The following TESMIN variants were observed in gnomAD, a reference collection of about 807,000 sequenced individuals.
TESMIN encodes CXC domain containing 2.
TESMIN carries 34 observed loss-of-function variants against 47.4 expected under a neutral mutation model. The ratio of observed to expected loss-of-function variants is 0.72; its 90% CI spans 0.55 to 0.96. The LOEUF is 0.96. Among genes scored for constraint, TESMIN ranks in the 40% least tolerant of loss-of-function variants. The probability of loss-of-function intolerance (pLI) is 0.00; values close to 1 mark genes in which losing one functional copy is unlikely to be tolerated. For missense variants in TESMIN, 610 were observed against 637.2 expected, an observed-to-expected ratio of 0.96 and a Z score of 0.46; for synonymous variants, 278 against 258.9, an observed-to-expected ratio of 1.07 and a Z score of -0.71.
Position 68,745,084 on chromosome 11 carries a change from G to T in TESMIN, c.658C>A (p.Gln220Lys). The change falls in exon 4 of 10, where the codon CAA becomes AAA. Residue 220 changes from glutamine (Q) to lysine (K), a missense_variant. Transcript: ENST00000255087. ...CTAGAATTGTCTATACATAGCATTT[G>T]TGTGCCCCCTTTCAATTGGCATATC... ...MVICQLKGGT[Q>K]MLCIDNSRTR... The T allele has an allele frequency of 6.3e-7, 1 of 1,582,410 alleles. No homozygotes were observed. Among genetic ancestry groups the T allele is most frequent in the East Asian group, 2.3e-5 (1 of 43,322 alleles).
At chr11:68,706,830 G>A (rs985059826), downstream of TESMIN, among the ~76,000 whole-genome samples, 10 of 152,172 alleles carry the variant, frequency 6.6e-5, no homozygotes, top group Non-Finnish European at 1.0e-4. Flanking sequence ...TACTCATGTG[G>A]CTGGCAGATC....
In TESMIN at chr11:68,708,036, C is replaced by A; in HGVS notation, c.*272G>T. On this transcript the variant is annotated 3_prime_UTR_variant, in exon 10 of 10. Coordinates refer to ENST00000255087, the MANE Select transcript of TESMIN (RefSeq NM_004923.3). ...TGTGCCCTCCCCTGCCCTGCTCTGCCCTCCGCCGCCCTGCAGACACTCTCC... is the reference window on the plus strand; with the variant it reads ...TGTGCCCTCCCCTGCCCTGCTCTGCACTCCGCCGCCCTGCAGACACTCTCC... 1 of 465,368 alleles carries A rather than the reference C, an allele frequency of 2.1e-6. No individual in the cohort carries two copies. Among genetic ancestry groups the A allele is most frequent in the Non-Finnish European group, 4.0e-6 (1 of 250,930 alleles). 28.8% of individuals were successfully genotyped at this position (465,368 alleles called of 1,614,324 possible). A position where few individuals can be genotyped will look rare whatever the true frequency, so the allele number is the denominator to read the frequency against.
chr11:68,711,962 GCTTT>G (rs1946078417), intron 8 of TESMIN, among the ~76,000 whole-genome samples: 1 of 152,228 alleles, frequency 6.6e-6, no homozygotes, highest in Admixed American at 6.5e-5. Context: ...ATGGTTTTTG[GCTTT>G]CTCTTTCCTT....
At chr11:68,711,337 C>A (rs117045513) in intron 8 of TESMIN, among the ~76,000 whole-genome samples, 1 of 148,264 alleles carries the variant, frequency 6.7e-6, no homozygotes, top group Non-Finnish European at 1.5e-5. Context: ...GTCGAGTGTG[C>A]GTGTGTGTGC....
chr11:68,730,033 C>T (rs553845270), intron 6 of TESMIN, among the ~76,000 whole-genome samples: 1 of 152,314 alleles, frequency 6.6e-6, no homozygotes, highest in African/African-American at 2.4e-5. Flanking sequence ...TCAATAGCCA[C>T]GACATTAAGG....
In TESMIN at chr11:68,708,259, AGAGATTTCTAG is replaced by A; in HGVS notation, c.*38_*48del. 1 of 1,498,438 alleles carries A rather than the reference AGAGATTTCTAG, an allele frequency of 6.7e-7. No homozygotes were observed. Among genetic ancestry groups the A allele is most frequent in the Non-Finnish European group, 9.0e-7 (1 of 1,109,946 alleles). 92.8% of individuals were successfully genotyped at this position (1,498,438 alleles called of 1,614,324 possible). A position where few individuals can be genotyped will look rare whatever the true frequency, so the allele number is the denominator to read the frequency against. On this transcript the variant is annotated 3_prime_UTR_variant, in exon 10 of 10. Coordinates refer to ENST00000255087, the MANE Select transcript of TESMIN (RefSeq NM_004923.3). The stretch of plus-strand genomic sequence containing the variant: ...TTCCCCTAAACATCCTTTCTAAACT[AGAGATTTCTAG>A]ACTAAGACAAAATCAACATGCATTC...
Position 68,710,970 on chromosome 11 carries a change from A to T in TESMIN, c.1238T>A (p.Met413Lys), listed in dbSNP as rs1439938109. 6.2e-7 allele frequency: 1 copy of T among 1,613,756 alleles called. No individual in the cohort carries two copies. Among genetic ancestry groups the T allele is most frequent in the African/African-American group, 1.3e-5 (1 of 74,902 alleles). The change falls in exon 9 of 10, where the codon ATG (methionine) becomes AAG (lysine). Residue 413 changes from methionine (M) to lysine (K), a missense_variant. By Grantham distance (95) the Met-to-Lys change is moderately conservative. Coordinates refer to ENST00000255087, the MANE Select transcript of TESMIN (RefSeq NM_004923.3). The part of the protein sequence containing the change: ...YEESPERKTL[M>K]SMPNYMQTGG... ...AGTCTGCATGTAGTTTGGCATGCTC[A>T]TTAGTGTCTTTCGTTCTGGGCTTTC...
In TESMIN at chr11:68,750,399, T is replaced by G. The variant is rs765999474; in HGVS notation, c.262A>C (p.Ser88Arg). 2.3e-5 allele frequency: 35 copies of G among 1,519,726 alleles called. No homozygotes were observed. Among genetic ancestry groups the G allele is most frequent in the Non-Finnish European group, 3.0e-5 (34 of 1,129,294 alleles). 94.1% of individuals were successfully genotyped at this position (1,519,726 alleles called of 1,614,324 possible). ...TCCCCGAGGAGCTCCCCGCCGTCGC[T>G]GTCGCCCCCCGCGAGCTTCGCCTTG... Reference protein sequence around the residue: ...QVKAKLAGGDSDGGELLGEYP... With the variant: ...QVKAKLAGGDRDGGELLGEYP... The change falls in exon 2 of 10, where the codon AGC becomes CGC. Residue 88 changes from serine to arginine, a missense_variant. Physicochemically the swap from Ser to Arg is moderately radical, Grantham distance 110. Transcript: ENST00000255087.
At position 68,742,722 on chromosome 11, in the gene TESMIN, C is replaced by T. The variant is rs148182592; in HGVS notation, c.752-328G>A. ...GTGCCCTGCATAGCCACAGCAAACT[C>T]ACTAGGAAAAAAAATGTTTGAGATA... On this transcript the variant is annotated intron_variant, in intron 4 of 9. Transcript: ENST00000255087. Among the ~76,000 whole-genome samples the T allele has an allele frequency of 1.6e-4, 24 of 152,172 alleles. No individual in the cohort carries two copies. In the East Asian group the frequency reaches 3.9e-3, roughly 24 times the overall value.
chr11:68,717,684 C>A (rs979719702), intron 6 of TESMIN, among the ~76,000 whole-genome samples: 2 of 152,132 alleles, frequency 1.3e-5, no homozygotes, highest in Admixed American at 1.3e-4. Flanking sequence ...ATGGGCAGCA[C>A]CAGGTTCCTC....
chr11:68,705,136 G>A (rs1281606468), downstream of TESMIN, among the ~76,000 whole-genome samples: 1 of 152,150 alleles, frequency 6.6e-6, no homozygotes, highest in Non-Finnish European at 1.5e-5. Flanking sequence ...CGCACAGCCG[G>A]CCCCATGCAC....
intron 2 of TESMIN, among the ~76,000 whole-genome samples, chr11:68,749,087 G>C (rs1460541978): frequency 6.6e-6 from 1 of 152,196 alleles, no homozygotes; most frequent in Admixed American, 6.5e-5. Context: ...CTACGGGCAG[G>C]AGGCGCTGGA....
rs1465764638 is a variant in TESMIN, at chr11:68,707,821, T to C, written c.*487A>G. On this transcript the variant is annotated 3_prime_UTR_variant, in exon 10 of 10. Coordinates refer to ENST00000255087, the MANE Select transcript of TESMIN (RefSeq NM_004923.3). Reference sequence around the variant, plus strand: ...TCAGTAGTTCTCTAGAGATTTTAAGTGGTATCACAACAGCCCATCCGGAGA... The same window carrying C: ...TCAGTAGTTCTCTAGAGATTTTAAGCGGTATCACAACAGCCCATCCGGAGA... 2.2e-6 allele frequency: 1 copy of C among 456,102 alleles called. No individual in the cohort carries two copies. The highest frequency in any genetic ancestry group is 2.3e-5 in the Admixed American group (1 of 42,580). The allele number at this position is 456,102 out of a possible 1,614,324, so 28.3% of individuals were successfully genotyped here.
chr11:68,730,705 G>C (rs1946316561), intron 6 of TESMIN, among the ~76,000 whole-genome samples: 1 of 150,438 alleles, frequency 6.6e-6, no homozygotes, highest in Admixed American at 6.7e-5. Context: ...TGAAGCAGTA[G>C]AACTGCTGGA....
chr11:68,714,210 C>CA (rs1946107064), intron 7 of TESMIN, among the ~76,000 whole-genome samples: 2 of 152,230 alleles, frequency 1.3e-5, no homozygotes, highest in Non-Finnish European at 2.9e-5. Context: ...TCCAGCAGCA[C>CA]GGCCCCTAGC....
At chr11:68,730,181 C>T (rs2153991610) in intron 6 of TESMIN, among the ~76,000 whole-genome samples, 1 of 152,326 alleles carries the variant, frequency 6.6e-6, no homozygotes, top group Admixed American at 6.5e-5. Context: ...GATTGTACTA[C>T]AGCATGTTTA....
At chr11:68,733,570 C>T (rs549614234) in intron 6 of TESMIN, 6 of 152,136 alleles carry the variant, frequency 3.9e-5, no homozygotes, top group Non-Finnish European at 7.3e-5. Flanking sequence ...CTAGCCGTTC[C>T]GGTTTCTCTA....
chr11:68,707,295 A>C (rs1443085370), downstream of TESMIN: 1 of 153,780 alleles, frequency 6.5e-6, no homozygotes, highest in African/African-American at 2.4e-5. Context: ...TCTCTGCTGC[A>C]TTTGTACTTG....
Position 68,747,199 on chromosome 11 carries a change from C to T in TESMIN, c.630+9G>A. 6.2e-7 allele frequency: 1 copy of T among 1,612,988 alleles called. No homozygotes were observed. The highest frequency in any genetic ancestry group is 8.5e-7 in the Non-Finnish European group (1 of 1,179,006). The stretch of plus-strand genomic sequence containing the variant: ...TGTTAGTCCTACACATCTTCTTTAG[C>T]ATAATTACCATTGGGTTGGAATCTT... On this transcript the variant is annotated intron_variant, in intron 3 of 9. Transcript: ENST00000255087.
Sources: gnomAD v4.1 joint callset for allele counts (sites outside exome capture counted in the v4.1 genomes callset) on GRCh38, gnomAD v4.1.1 for gene constraint, MANE v1.5 for transcripts, NCBI Gene and HGNC (gene_info 2026-07-23, HGNC 2026-07-21) for gene names.